The following BTBD9 variants were observed in gnomAD, a reference collection of about 807,000 sequenced individuals.
BTBD9 encodes the protein BTB/POZ domain-containing protein 9.
In BTBD9, 49 loss-of-function variants were observed where a neutral mutation model predicts 64.3. The observed-to-expected ratio is 0.76, with a 90% CI of 0.61 to 0.97. The LOEUF (loss-of-function observed/expected upper bound fraction) is 0.97. Among genes scored for constraint, BTBD9 ranks in the 50% least tolerant of loss-of-function variants. The pLI is 0.00. For synonymous variants in BTBD9, 260 were observed against 274.7 expected, an observed-to-expected ratio of 0.95 and a Z score of 0.53; for missense variants, 598 against 762.1, an observed-to-expected ratio of 0.78 and a Z score of 2.53.
At chr6:38,625,970 G>C (rs1284036877) in intron 1 of BTBD9, among the ~76,000 whole-genome samples, 2 of 152,046 alleles carry the variant, frequency 1.3e-5, no homozygotes, top group African/African-American at 4.8e-5. Context: ...CTCCATTCAG[G>C]AACAGGAGTC....
chr6:38,388,078 T>C (rs1766256484), intron 6 of BTBD9, among the ~76,000 whole-genome samples: 1 of 152,190 alleles, frequency 6.6e-6, no homozygotes, highest in Non-Finnish European at 1.5e-5. Context: ...TAAAAAATGA[T>C]GGAATAAGTA....
At chr6:38,357,214 C>T (rs559585612) in intron 6 of BTBD9, among the ~76,000 whole-genome samples, 58 of 152,168 alleles carry the variant, frequency 3.8e-4, no homozygotes, top group African/African-American at 1.4e-3. Context: ...TCACAGTAGC[C>T]CTTCCCTACC....
chr6:38,466,427 G>A (rs9470881), intron 6 of BTBD9, among the ~76,000 whole-genome samples: 6 of 151,220 alleles, frequency 4.0e-5, no homozygotes, highest in African/African-American at 1.2e-4. Context: ...GAGTAGCTGA[G>A]ACTATAGGCA....
Position 38,502,030 on chromosome 6 carries a change from A to C in BTBD9, c.1154+75570T>G, listed in dbSNP as rs114074072. 1.8e-3 allele frequency among the ~76,000 whole-genome samples: 280 copies of C among 152,324 alleles called. 1 individual carries two copies. Among genetic ancestry groups the C allele is most frequent in the African/African-American group, 6.4e-3 (265 of 41,566 alleles). Reference sequence around the variant, plus strand: ...AAGTTTGAGAACTACTGGTATAGAGATAGCAATCTGCAATATCCTGGTGTC... The same window carrying C: ...AAGTTTGAGAACTACTGGTATAGAGCTAGCAATCTGCAATATCCTGGTGTC... On this transcript the variant is annotated intron_variant, in intron 6 of 10. Transcript: ENST00000481247.
intron 6 of BTBD9, among the ~76,000 whole-genome samples, chr6:38,457,642 C>T (rs1769879900): frequency 6.6e-6 from 1 of 151,870 alleles, no homozygotes; most frequent in African/African-American, 2.4e-5. Context: ...AGAGATAGTA[C>T]AATAGAGATT....
chr6:38,266,101 C>T (rs948534447), intron 8 of BTBD9, among the ~76,000 whole-genome samples: 2 of 152,254 alleles, frequency 1.3e-5, no homozygotes, highest in Non-Finnish European at 2.9e-5. Context: ...ACATTTCCTG[C>T]TTTCAACGCA....
At position 38,184,684 on chromosome 6, in the gene BTBD9, G is replaced by A. The variant is rs9470814; in HGVS notation, c.1641+7835C>T. On this transcript the variant is annotated intron_variant, in intron 10 of 10. Coordinates refer to ENST00000481247, the MANE Select transcript of BTBD9 (RefSeq NM_001099272.2). The surrounding 1 kb of genome is among the most constrained non-coding windows in gnomAD (Gnocchi z 4.4). Reference sequence around the variant, plus strand: ...GGAGGATGCTGCCGGGGAAATCCTCGGGGGGCCAGAGAGAGTGGAATCAGA... The same window carrying A: ...GGAGGATGCTGCCGGGGAAATCCTCAGGGGGCCAGAGAGAGTGGAATCAGA... Among the ~76,000 whole-genome samples, 4,350 of 152,248 alleles carry A rather than the reference G, an allele frequency of 0.029. 207 individuals carry two copies. Among genetic ancestry groups the A allele is most frequent in the African/African-American group, 0.095 (3,951 of 41,530 alleles).
chr6:38,369,315 A>G (rs754813804), intron 6 of BTBD9, among the ~76,000 whole-genome samples: 3 of 152,198 alleles, frequency 2.0e-5, no homozygotes, highest in Non-Finnish European at 4.4e-5. Flanking sequence ...AAATACTTCA[A>G]TGACCAAGCC....
At chr6:38,365,296 C>T (rs1349847595) in intron 6 of BTBD9, among the ~76,000 whole-genome samples, 1 of 152,118 alleles carries the variant, frequency 6.6e-6, no homozygotes, top group East Asian at 1.9e-4. Flanking sequence ...TTCAAGCTCA[C>T]AAGCTGGGAA....
chr6:38,326,336 A>G (rs1013885372), intron 7 of BTBD9, among the ~76,000 whole-genome samples: 3 of 152,216 alleles, frequency 2.0e-5, no homozygotes, highest in Non-Finnish European at 4.4e-5. Context: ...ATATGCAGGC[A>G]TCATACCATG....
chr6:38,466,338 G>A (rs549422131), intron 6 of BTBD9, among the ~76,000 whole-genome samples: 7 of 127,436 alleles, frequency 5.5e-5, no homozygotes, highest in African/African-American at 2.1e-4. Context: ...TGTTGCCCAG[G>A]CTGGAGTGCA....
At chr6:38,195,408 G>A (rs893334871) in intron 9 of BTBD9, among the ~76,000 whole-genome samples, 4 of 152,216 alleles carry the variant, frequency 2.6e-5, no homozygotes, top group African/African-American at 9.6e-5. Context: ...CAGACTGCTA[G>A]AGGCATGGCA....
chr6:38,578,757 G>C (rs1325709928), intron 5 of BTBD9, among the ~76,000 whole-genome samples: 1 of 152,106 alleles, frequency 6.6e-6, no homozygotes, highest in Non-Finnish European at 1.5e-5. Flanking sequence ...GCTTAGAATG[G>C]TAACAATTTC....
intron 7 of BTBD9, among the ~76,000 whole-genome samples, chr6:38,342,668 T>A (rs1005321180): frequency 6.6e-6 from 1 of 152,084 alleles, no homozygotes; most frequent in Non-Finnish European, 1.5e-5. Flanking sequence ...GAGTGCATAT[T>A]TCACAGGATA....
chr6:38,432,086 A>G lies in BTBD9; in HGVS notation c.1155-86993T>C, dbSNP rs569528942. ...ATTCTTCCTCTCACGGGACTGGATT[A>G]GCTACCTCAAGAGTAGGTTGTTTTG... On this transcript the variant is annotated intron_variant, in intron 6 of 10. Coordinates refer to ENST00000481247, the MANE Select transcript of BTBD9 (RefSeq NM_001099272.2). 2.6e-5 allele frequency among the ~76,000 whole-genome samples: 4 copies of G among 152,084 alleles called. No homozygotes were observed. The South Asian group carries it at 8.3e-4, about 31-fold the overall frequency.
chr6:38,316,891 C>T (rs1721616337), intron 7 of BTBD9, among the ~76,000 whole-genome samples: 1 of 152,168 alleles, frequency 6.6e-6, no homozygotes. Flanking sequence ...TTGATGAAAT[C>T]CCTCGCCTTT....
chr6:38,305,641 C>T (rs527261997), intron 7 of BTBD9, among the ~76,000 whole-genome samples: 6 of 152,066 alleles, frequency 3.9e-5, no homozygotes, highest in Admixed American at 6.6e-5. Context: ...GCCACCACAC[C>T]GGGCTAATTT....
intron 7 of BTBD9, among the ~76,000 whole-genome samples, chr6:38,343,615 C>G (rs1300684046): frequency 6.6e-6 from 1 of 152,156 alleles, no homozygotes; most frequent in Admixed American, 6.5e-5. Flanking sequence ...CAATTCTGTA[C>G]AGCCTATAGA....
chr6:38,560,467 C>T (rs1199119579), intron 6 of BTBD9, among the ~76,000 whole-genome samples: 1 of 152,050 alleles, frequency 6.6e-6, no homozygotes, highest in Non-Finnish European at 1.5e-5. Context: ...TCTTTTTGTA[C>T]ACAAAATATT....
Sources: allele counts gnomAD v4.1 joint callset (sites outside exome capture counted in the v4.1 genomes callset), GRCh38; gene constraint gnomAD v4.1.1; non-coding constraint Gnocchi (gnomAD v3.1); transcripts MANE v1.5; gene names NCBI Gene and HGNC (gene_info 2026-07-23, HGNC 2026-07-21).